The following TMTC2 variants were observed in gnomAD, a reference collection of about 807,000 sequenced individuals.
TMTC2 encodes the protein transmembrane O-mannosyltransferase targeting cadherins 2.
TMTC2 carries 43 observed loss-of-function variants against 82.4 expected under a neutral mutation model. That is an observed-to-expected ratio of 0.52 (90% confidence interval 0.41 to 0.67). The LOEUF is 0.67. TMTC2 is among the 30% of genes least tolerant of loss of function. TMTC2 has a pLI of 0.00. For synonymous variants in TMTC2, 408 were observed against 381.9 expected, an observed-to-expected ratio of 1.07 and a Z score of -0.80; for missense variants, 919 against 1,012.4, an observed-to-expected ratio of 0.91 and a Z score of 1.25.
intron 4 of TMTC2, among the ~76,000 whole-genome samples, chr12:82,938,518 A>G (rs1347183451): frequency 6.6e-6 from 1 of 152,128 alleles, no homozygotes; most frequent in East Asian, 1.9e-4. Flanking sequence ...AGATAATTTC[A>G]GAGAGATTAT....
At chr12:82,863,950 G>A (rs997210257) in intron 2 of TMTC2, among the ~76,000 whole-genome samples, 8 of 152,174 alleles carry the variant, frequency 5.3e-5, no homozygotes, top group Middle Eastern at 3.2e-3. Flanking sequence ...TTGAGAGGAA[G>A]GGGAGGTTAC....
At chr12:83,030,777 C>T in intron 8 of TMTC2, 21 bp from the exon 9 acceptor site, 4 of 1,587,800 alleles carry the variant, frequency 2.5e-6, no homozygotes, top group Non-Finnish European at 3.5e-6. Flanking sequence ...CCTGAATCAT[C>T]CATTTTCTCT....
chr12:82,989,645 C>T (rs555735605), intron 8 of TMTC2, among the ~76,000 whole-genome samples: 2 of 151,600 alleles, frequency 1.3e-5, no homozygotes, highest in South Asian at 2.1e-4. Context: ...CCATGGCACT[C>T]GATATAGAAA....
chr12:82,776,014 G>A (rs1294398209), intron 1 of TMTC2, among the ~76,000 whole-genome samples: 2 of 151,932 alleles, frequency 1.3e-5, no homozygotes, highest in African/African-American at 2.4e-5. Flanking sequence ...TTGCCTGTGT[G>A]TGCACCCGTA....
In TMTC2 at chr12:82,857,545, C is replaced by A. The variant is rs1455338446; in HGVS notation, c.619C>A (p.Leu207Met). 6.2e-7 allele frequency: 1 copy of A among 1,612,224 alleles called. No homozygotes were observed. Among genetic ancestry groups the A allele is most frequent in the African/African-American group, 1.3e-5 (1 of 74,994 alleles). ...TTATGATGTCTTTGTCTTTCACAGG[C>A]TGAAAATAAAACAGATATTACCTAC... ...AVYDVFVFHR[L>M]KIKQILPTIY... Residue 207 changes from leucine (L) to methionine (M), a missense_variant, in exon 2 of 12, where the codon CTG becomes ATG. By Grantham distance (15) the Leu-to-Met change is conservative. Transcript: ENST00000321196.
intron 7 of TMTC2, among the ~76,000 whole-genome samples, chr12:82,967,981 A>T (rs1347301903): frequency 6.6e-6 from 1 of 151,968 alleles, no homozygotes; most frequent in East Asian, 1.9e-4. Context: ...AAAATCCCAA[A>T]CCTCTCCCAA....
At chr12:83,002,850 A>G (rs988806768) in intron 8 of TMTC2, among the ~76,000 whole-genome samples, 11 of 151,346 alleles carry the variant, frequency 7.3e-5, no homozygotes, top group Non-Finnish European at 1.2e-4. Context: ...AGTATGTTCT[A>G]TGTGCAGATG....
chr12:83,041,195 T>C (rs1395764252), intron 9 of TMTC2, among the ~76,000 whole-genome samples: 1 of 152,190 alleles, frequency 6.6e-6, no homozygotes, highest in Admixed American at 6.5e-5. Context: ...TGTCTTTGTA[T>C]AGGACTCTAG....
chr12:83,084,819 TA>T (rs1417578309), intron 11 of TMTC2, among the ~76,000 whole-genome samples: 1 of 152,206 alleles, frequency 6.6e-6, no homozygotes, highest in African/African-American at 2.4e-5. Flanking sequence ...CACAACTCTA[TA>T]AATCAGTGAT....
chr12:82,873,775 T>C (rs930875404), intron 2 of TMTC2, among the ~76,000 whole-genome samples: 2 of 152,212 alleles, frequency 1.3e-5, no homozygotes, highest in Non-Finnish European at 2.9e-5. Context: ...ATTATAAAGG[T>C]GACTGTAAAA....
chr12:82,986,784 A>T (rs1249222653), intron 8 of TMTC2, among the ~76,000 whole-genome samples: 1 of 152,224 alleles, frequency 6.6e-6, no homozygotes, highest in East Asian at 1.9e-4. Flanking sequence ...TACCACTATG[A>T]CCTATAAAAA....
At chr12:83,099,921 A>ATTT (rs36119477) in intron 11 of TMTC2, among the ~76,000 whole-genome samples, 1 of 149,036 alleles carries the variant, frequency 6.7e-6, no homozygotes, top group Non-Finnish European at 1.5e-5. Context: ...AAGTTGTATA[A>ATTT]TTTTTTTTTT....
At chr12:83,078,741 G>T (rs531641916) in intron 11 of TMTC2, among the ~76,000 whole-genome samples, 1 of 151,980 alleles carries the variant, frequency 6.6e-6, no homozygotes, top group African/African-American at 2.4e-5. Flanking sequence ...CTCTCATATG[G>T]TTTTTATCTT....
At chr12:82,761,482 GCGAGTATT>G (rs1301486425) in intron 1 of TMTC2, among the ~76,000 whole-genome samples, 2 of 152,162 alleles carry the variant, frequency 1.3e-5, no homozygotes, top group African/African-American at 4.8e-5. Flanking sequence ...ACAGATTCAA[GCGAGTATT>G]CGCTTAAATT....
At chr12:83,092,310 CT>C (rs1209355336) in intron 11 of TMTC2, among the ~76,000 whole-genome samples, 1 of 152,202 alleles carries the variant, frequency 6.6e-6, no homozygotes, top group Non-Finnish European at 1.5e-5. Context: ...TGTTGGCATC[CT>C]GCCCCCCTTA....
intron 3 of TMTC2, among the ~76,000 whole-genome samples, chr12:82,916,188 A>G (rs1874988840): frequency 1.3e-5 from 2 of 152,216 alleles, no homozygotes; most frequent in Non-Finnish European, 2.9e-5. Flanking sequence ...ATGACATTCT[A>G]GTATATATAT....
chr12:82,875,946 G>A lies in TMTC2; in HGVS notation c.654+18366G>A, dbSNP rs536386192. 2.2e-3 allele frequency among the ~76,000 whole-genome samples: 319 copies of A among 145,338 alleles called. 1 individual carries two copies. Among genetic ancestry groups the A allele is most frequent in the African/African-American group, 7.8e-3 (310 of 39,926 alleles). On this transcript the variant is annotated intron_variant, in intron 2 of 11. Transcript: ENST00000321196. The stretch of plus-strand genomic sequence containing the variant: ...GAAAGAAAACTGAGCAGTAAATGTT[G>A]TAGCAGTTTAGTATCTTTTTTCTTG...
intron 8 of TMTC2, among the ~76,000 whole-genome samples, chr12:83,023,264 T>A (rs10862554): frequency 2.0e-5 from 3 of 151,842 alleles, no homozygotes; most frequent in African/African-American, 7.3e-5. Flanking sequence ...GCATTTTAGG[T>A]AAACCGAATA....
At chr12:82,813,182 T>C (rs924590273) in intron 1 of TMTC2, among the ~76,000 whole-genome samples, 1 of 152,144 alleles carries the variant, frequency 6.6e-6, no homozygotes, top group African/African-American at 2.4e-5. Flanking sequence ...TTCTAGCATC[T>C]CTGGCAGATA....
Sources: allele counts gnomAD v4.1 joint callset (sites outside exome capture counted in the v4.1 genomes callset), GRCh38; gene constraint gnomAD v4.1.1; transcripts MANE v1.5; gene names NCBI Gene and HGNC (gene_info 2026-07-23, HGNC 2026-07-21).